The following RNF43 variants were observed in gnomAD, a reference collection of about 807,000 sequenced individuals.
The protein encoded by RNF43 is E3 ubiquitin-protein ligase RNF43.
Under a neutral mutation model 78.4 loss-of-function variants are expected in RNF43, and 37 were observed. That is an observed-to-expected ratio of 0.47 (90% CI 0.36 to 0.62). The LOEUF (loss-of-function observed/expected upper bound fraction) is 0.62. Ranked by LOEUF, RNF43 falls within the 20% of genes least tolerant of loss-of-function variation. RNF43 has a pLI of 0.00. For missense variants in RNF43, 774 were observed against 1,007.9 expected, an observed-to-expected ratio of 0.77 and a Z score of 3.14; for synonymous variants, 347 against 395.0, an observed-to-expected ratio of 0.88 and a Z score of 1.44.
chr17:58,356,968 A>G (rs778382450), intron 9 of RNF43: 212 of 464,248 alleles, frequency 4.6e-4, no homozygotes, highest in Non-Finnish European at 7.0e-4. Context: ...ATCTTGGCTC[A>G]CTGCAACTTC....
intron 2 of RNF43, among the ~76,000 whole-genome samples, chr17:58,397,977 C>T (rs1264013607): frequency 2.0e-5 from 3 of 152,208 alleles, no homozygotes; most frequent in African/African-American, 7.2e-5. Context: ...TATCAGCCCA[C>T]TCCCTATCCC....
At chr17:58,362,123 T>C (rs1972848010) in intron 6 of RNF43, among the ~76,000 whole-genome samples, 1 of 151,838 alleles carries the variant, frequency 6.6e-6, no homozygotes, top group African/African-American at 2.4e-5. Flanking sequence ...AAAAAAACCT[T>C]GTTCCCTTGC....
chr17:58,361,020 G>A (rs907885375), intron 6 of RNF43, 76 bp from the exon 7 acceptor site: 18 of 1,408,046 alleles, frequency 1.3e-5, no homozygotes, highest in African/African-American at 8.8e-5. Flanking sequence ...CTTGGACTCC[G>A]TTCCCAGTCA....
At chr17:58,365,385 C>T (rs988775794) in intron 3 of RNF43, among the ~76,000 whole-genome samples, 1 of 152,200 alleles carries the variant, frequency 6.6e-6, no homozygotes, top group Non-Finnish European at 1.5e-5. Flanking sequence ...CCTGGACCCA[C>T]CCTGGCCTGG....
At position 58,354,660 on chromosome 17, in the gene RNF43, A is replaced by G. The variant is rs1012706634; in HGVS notation, c.*283T>C. 12 of 499,074 alleles carry G rather than the reference A, an allele frequency of 2.4e-5. No individual in the cohort carries two copies. Among genetic ancestry groups the G allele is most frequent in the African/African-American group, 1.1e-4 (6 of 52,428 alleles). 30.9% of individuals were successfully genotyped at this position (499,074 alleles called of 1,614,324 possible). On this transcript the variant is annotated 3_prime_UTR_variant, in exon 10 of 10. Coordinates refer to ENST00000407977, the MANE Select transcript of RNF43 (RefSeq NM_017763.6). ...TCTGCCCTCAAAAACTCAGCCTTCA[A>G]GGGATCCAGCCCACACACGCCACAG...
chr17:58,404,003 C>T lies in RNF43; in HGVS notation c.252+11323G>A, dbSNP rs529728877. Among the ~76,000 whole-genome samples, 23 of 152,256 alleles carry T rather than the reference C, an allele frequency of 1.5e-4. No individual in the cohort carries two copies. The South Asian group carries it at 2.3e-3, about 15-fold the overall frequency. On this transcript the variant is annotated intron_variant, in intron 2 of 9. Coordinates refer to ENST00000407977, the MANE Select transcript of RNF43 (RefSeq NM_017763.6). Reference sequence around the variant, plus strand: ...GATCATTGGGACAACCTTGACGAAGCATTTACAATAAGGGTCCTCAATCTA... The same window carrying T: ...GATCATTGGGACAACCTTGACGAAGTATTTACAATAAGGGTCCTCAATCTA...
At chr17:58,411,239 A>G (rs1974019238) in intron 2 of RNF43, among the ~76,000 whole-genome samples, 1 of 152,162 alleles carries the variant, frequency 6.6e-6, no homozygotes, top group Admixed American at 6.6e-5. Context: ...AAAGGTAAAC[A>G]CTATTTTGTC....
At chr17:58,389,409 G>T (rs1313930177) in intron 2 of RNF43, among the ~76,000 whole-genome samples, 3 of 152,164 alleles carry the variant, frequency 2.0e-5, no homozygotes, top group Non-Finnish European at 4.4e-5. Context: ...AATGAGAGAT[G>T]AACATTTAAA....
At position 58,354,279 on chromosome 17, in the gene RNF43, T is replaced by C. The variant is rs1042187747; in HGVS notation, c.*664A>G. The C allele has an allele frequency of 9.9e-6, 2 of 201,268 alleles. No homozygotes were observed. The highest frequency in any genetic ancestry group is 2.3e-5 in the African/African-American group (1 of 43,520). The allele number at this position is 201,268 out of a possible 1,614,324, so 12.5% of individuals were successfully genotyped here. ...AGTTTTTCCCTCCCCACTATTCTTA[T>C]TCTCAACCCCCAGAGGAACCAAGGC... On this transcript the variant is annotated 3_prime_UTR_variant, in exon 10 of 10. Coordinates refer to ENST00000407977, the MANE Select transcript of RNF43 (RefSeq NM_017763.6).
At position 58,415,635 on chromosome 17, in the gene RNF43, A is replaced by G. The variant is rs1974108274; in HGVS notation, c.-58T>C. On this transcript the variant is annotated 5_prime_UTR_variant, in exon 2 of 10. Coordinates refer to ENST00000407977, the MANE Select transcript of RNF43 (RefSeq NM_017763.6). ...CATACTGCTTCCACTAGCTAATACC[A>G]AATGCAGGTTCTCAGATCCAGACAA... The G allele has an allele frequency of 3.8e-6, 6 of 1,570,502 alleles. No individual in the cohort carries two copies.
intron 2 of RNF43, among the ~76,000 whole-genome samples, chr17:58,405,893 G>C (rs186462444): frequency 3.9e-5 from 6 of 152,264 alleles, no homozygotes; most frequent in Admixed American, 1.3e-4. Flanking sequence ...GTGTTGTGTT[G>C]CTCTTTGAAT....
In RNF43 at chr17:58,356,109, C is replaced by T. The variant is rs188165901; in HGVS notation, c.2309-1123G>A. Among the ~76,000 whole-genome samples the T allele has an allele frequency of 8.9e-4, 136 of 152,314 alleles. 1 individual carries two copies. Among genetic ancestry groups the T allele is most frequent in the African/African-American group, 3.1e-3 (130 of 41,572 alleles). On this transcript the variant is annotated intron_variant, in intron 9 of 9. Transcript: ENST00000407977. ...TCCGAATGGAATCACAAACACATAGCCAAAGCTTGCAGTACATGGCTCTCT... is the reference window on the plus strand; with the variant it reads ...TCCGAATGGAATCACAAACACATAGTCAAAGCTTGCAGTACATGGCTCTCT...
Position 58,360,212 on chromosome 17 carries a change from T to TA in RNF43, c.888dup (p.Asn297Ter). ...TGATGTAACCAGGGGTCCACACAGT[T>TA]ACGATGGAACTCATGGAGGCAGGAA... On this transcript the variant is annotated frameshift_variant, in exon 8 of 10. Coordinates refer to ENST00000407977, the MANE Select transcript of RNF43 (RefSeq NM_017763.6). LOFTEE classifies it high-confidence loss of function. This position sits in a 1 kb window ranked among gnomAD's most constrained non-coding sequence, Gnocchi z 4.3. The TA allele has an allele frequency of 1.2e-6, 2 of 1,614,010 alleles. No homozygotes were observed. The highest frequency in any genetic ancestry group is 1.1e-5 in the South Asian group (1 of 91,078).
chr17:58,382,283 C>T (rs1006036879), intron 2 of RNF43, among the ~76,000 whole-genome samples: 26 of 152,154 alleles, frequency 1.7e-4, no homozygotes, highest in Admixed American at 5.2e-4. Flanking sequence ...TCTTATTCAT[C>T]ACTTAACATC....
Position 58,360,935 on chromosome 17 carries a change from G to A in RNF43, c.697C>T (p.Gln233Ter), listed in dbSNP as rs1334858429. Residue 233 changes from glutamine to a stop codon, truncating the protein, a stop_gained, in exon 7 of 10, where the codon CAG becomes TAG. Coordinates refer to ENST00000407977, the MANE Select transcript of RNF43 (RefSeq NM_017763.6). LOFTEE classifies it high-confidence loss of function. The surrounding 1 kb of genome is among the most constrained non-coding windows in gnomAD (Gnocchi z 4.3). ...RPRHSRPDPL[Q>*]QRTAWAISQL... ...CTGATGGCCCAGGCTGTTCTCTGCT[G>A]AAGCGGATCCTGGGAAGAGGAATGG... is the stretch of plus-strand genomic sequence containing the variant. The A allele has an allele frequency of 6.3e-7, 1 of 1,579,476 alleles. No homozygotes were observed. The highest frequency in any genetic ancestry group is 8.6e-7 in the Non-Finnish European group (1 of 1,158,592).
Position 58,358,750 on chromosome 17 carries a change from A to G in RNF43, c.1026T>C (p.Ile342=), listed in dbSNP as rs2143426545. The G allele has an allele frequency of 6.4e-7, 1 of 1,561,364 alleles. No individual in the cohort carries two copies. Among genetic ancestry groups the G allele is most frequent in the Non-Finnish European group, 8.7e-7 (1 of 1,151,050 alleles). ...YQEPGRRLHL[I]RQHPGHAHYH... ...AGTGGGCATGGCCGGGATGCTGGCG[A>G]ATGAGGTGGAGTCTTCGACCTGGTT... Residue 342 remains isoleucine (I), a synonymous_variant, in exon 9 of 10, where the codon ATT becomes ATC. Coordinates refer to ENST00000407977, the MANE Select transcript of RNF43 (RefSeq NM_017763.6). The surrounding 1 kb of genome is among the most constrained non-coding windows in gnomAD (Gnocchi z 6.2).
chr17:58,359,841 G>A (rs1412841571), intron 8 of RNF43, among the ~76,000 whole-genome samples: 2 of 151,728 alleles, frequency 1.3e-5, no homozygotes, highest in African/African-American at 2.4e-5. Context: ...CAGGAGAATC[G>A]CTTGAACCCA....
chr17:58,381,376 T>G (rs191527457), intron 2 of RNF43, among the ~76,000 whole-genome samples: 4 of 152,364 alleles, frequency 2.6e-5, no homozygotes, highest in African/African-American at 9.6e-5. Context: ...TCTGAATCTT[T>G]GTCCATGCGG....
intron 3 of RNF43, among the ~76,000 whole-genome samples, chr17:58,365,473 G>T (rs1467116176): frequency 6.6e-6 from 1 of 152,142 alleles, no homozygotes; most frequent in Non-Finnish European, 1.5e-5. Flanking sequence ...TGAAGAATTG[G>T]GGTAGGAACA....
Sources: allele counts gnomAD v4.1 joint callset (sites outside exome capture counted in the v4.1 genomes callset), GRCh38; gene constraint gnomAD v4.1.1; non-coding constraint Gnocchi (gnomAD v3.1); transcripts MANE v1.5; gene names NCBI Gene and HGNC (gene_info 2026-07-23, HGNC 2026-07-21).